The following UFD1 variants were observed in gnomAD, a reference collection of about 807,000 sequenced individuals.
UFD1 encodes ubiquitin recognition factor in ER-associated degradation protein 1.
In UFD1, 13 loss-of-function variants were observed where a neutral mutation model predicts 45.9. That is an observed-to-expected ratio of 0.28 (90% CI 0.18 to 0.45). The LOEUF is 0.45. Among genes scored for constraint, UFD1 ranks in the 20% least tolerant of loss-of-function variants. The pLI, the probability that UFD1 is intolerant of heterozygous loss-of-function variation, is 1.00. For synonymous variants in UFD1, 128 were observed against 139.2 expected, an observed-to-expected ratio of 0.92 and a Z score of 0.56; for missense variants, 218 against 389.2, an observed-to-expected ratio of 0.56 and a Z score of 3.70.
Position 19,450,172 on chromosome 22 carries a change from A to G in UFD1, c.*498T>C, listed in dbSNP as rs1008190583. 1 of 152,616 alleles carries G rather than the reference A, an allele frequency of 6.6e-6. No homozygotes were observed. The highest frequency in any genetic ancestry group is 2.4e-5 in the African/African-American group (1 of 41,476). The allele number at this position is 152,616 out of a possible 1,614,324, so 9.5% of individuals were successfully genotyped here. A position where few individuals can be genotyped will look rare whatever the true frequency, so the allele number is the denominator to read the frequency against. On this transcript the variant is annotated 3_prime_UTR_variant, in exon 12 of 12. Transcript: ENST00000263202. ...ATAAAAATAGAAACATTCTTTGTCA[A>G]ATACTTAAATTGCAGCCACAGTAGT...
Position 19,479,173 on chromosome 22 carries a change from G to A in UFD1, c.-88C>T, listed in dbSNP as rs950256397. On this transcript the variant is annotated 5_prime_UTR_variant, in exon 1 of 12. Transcript: ENST00000263202. ...CGCTCTCCCAGCCGCCGCTGCCGCT[G>A]CCGCCGCGCCAAGCCGGTACGCCCC... 1.5e-5 allele frequency: 23 copies of A among 1,571,344 alleles called. No individual in the cohort carries two copies. Among genetic ancestry groups the A allele is most frequent in the African/African-American group, 2.7e-5 (2 of 73,628 alleles).
chr22:19,467,897 A>G lies in UFD1; in HGVS notation c.398T>C (p.Leu133Pro). The G allele has an allele frequency of 1.2e-6, 2 of 1,614,184 alleles. No individual in the cohort carries two copies. Among genetic ancestry groups the G allele is most frequent in the Non-Finnish European group, 8.5e-7 (1 of 1,180,024 alleles). Reference sequence around the variant, plus strand: ...CACGGCTTTGGGGTTGGTGATGTCCAGGAAGTCAGGGCTCTGAGGTTGGAA... The same window carrying G: ...CACGGCTTTGGGGTTGGTGATGTCCGGGAAGTCAGGGCTCTGAGGTTGGAA... ...SKFQPQSPDFLDITNPKAVLE... is the reference protein window; with the variant it reads ...SKFQPQSPDFPDITNPKAVLE... Residue 133 changes from leucine to proline, a missense_variant, in exon 5 of 12, where the codon CTG (leucine) becomes CCG (proline). By Grantham distance (98) the Leu-to-Pro change is moderately conservative. Coordinates refer to ENST00000263202, the MANE Select transcript of UFD1 (RefSeq NM_005659.7).
Position 19,460,772 on chromosome 22 carries a change from T to C in UFD1, c.496-2633A>G, listed in dbSNP as rs932600482. On this transcript the variant is annotated intron_variant, in intron 6 of 11. Transcript: ENST00000263202. ...CCACCATTCTTTTTTTTTTTTTTTT[T>C]CCCTTGAGGCAGGGTCTTGCTCAGT... is the stretch of plus-strand genomic sequence containing the variant. Among the ~76,000 whole-genome samples the C allele has an allele frequency of 2.5e-3, 372 of 150,870 alleles. 1 individual carries two copies. Among genetic ancestry groups the C allele is most frequent in the Non-Finnish European group, 3.7e-3 (248 of 67,846 alleles).
intron 6 of UFD1, 88 bp downstream of exon 6, chr22:19,465,114 C>A: frequency 7.9e-7 from 1 of 1,266,338 alleles, no homozygotes; most frequent in Non-Finnish European, 1.2e-6. Context: ...TCCAGGCATA[C>A]GCTGCTTAAA....
chr22:19,453,088 G>A (rs2089695719), intron 11 of UFD1: 1 of 985,342 alleles, frequency 1.0e-6, no homozygotes, highest in African/African-American at 1.7e-5. Context: ...TCACTTCAGA[G>A]ATAGTAGTCT....
chr22:19,475,590 T>C lies in UFD1; in HGVS notation c.16A>G (p.Met6Val). The change falls in exon 2 of 12, where the codon ATG becomes GTG. Residue 6 changes from methionine to valine, a missense_variant. Met to Val is a conservative substitution (Grantham distance 21). This residue lies in a region of UFD1 where 149 missense variants were observed against 307.5 expected (regional missense o/e 0.48). Coordinates refer to ENST00000263202, the MANE Select transcript of UFD1 (RefSeq NM_005659.7). Reference protein sequence around the residue: MFSFNMFDHPIPRVFQ... With the variant: MFSFNVFDHPIPRVFQ... ...ACCCTGGGAATAGGGTGGTCGAACA[T>C]GTTGAAAGAGAACTAGAAGGAGGAA... is the stretch of plus-strand genomic sequence containing the variant. The C allele has an allele frequency of 6.2e-7, 1 of 1,614,110 alleles. No individual in the cohort carries two copies. The highest frequency in any genetic ancestry group is 1.1e-5 in the South Asian group (1 of 91,076).
At chr22:19,476,618 G>C (rs977409320) in intron 1 of UFD1, among the ~76,000 whole-genome samples, 1 of 135,766 alleles carries the variant, frequency 7.4e-6, no homozygotes, top group African/African-American at 2.8e-5. Flanking sequence ...AACATCCCCA[G>C]TGGACGCCTG....
intron 10 of UFD1, 36 bp from the exon 11 acceptor site, chr22:19,454,866 C>T: frequency 1.3e-6 from 2 of 1,591,326 alleles, no homozygotes; most frequent in Non-Finnish European, 1.7e-6. Flanking sequence ...AATGTTATTT[C>T]CAGGAAAAAA....
chr22:19,451,120 CAAA>C (rs34076964), intron 11 of UFD1: 1,946 of 849,128 alleles, frequency 2.3e-3, no homozygotes, highest in Middle Eastern at 3.6e-3. Context: ...GACCCTGCCT[CAAA>C]AAAAAAAAAA....
In UFD1 at chr22:19,458,746, G is replaced by A. The variant is rs188384229; in HGVS notation, c.496-607C>T. The stretch of plus-strand genomic sequence containing the variant: ...ACATAAGCCACCGCACTCGGCCTTC[G>A]AAATTTATTCTAAGTAAATAACTAG... On this transcript the variant is annotated intron_variant, in intron 6 of 11. Coordinates refer to ENST00000263202, the MANE Select transcript of UFD1 (RefSeq NM_005659.7). 4.5e-4 allele frequency among the ~76,000 whole-genome samples: 69 copies of A among 152,206 alleles called. 1 individual carries two copies. Among genetic ancestry groups the A allele is most frequent in the Admixed American group, 2.9e-3 (45 of 15,276 alleles).
chr22:19,477,516 A>T (rs867937991), intron 1 of UFD1, among the ~76,000 whole-genome samples: 1 of 152,204 alleles, frequency 6.6e-6, no homozygotes, highest in Non-Finnish European at 1.5e-5. Context: ...TGGAACAGAG[A>T]TTGACAGGGG....
At chr22:19,465,395 G>A in intron 5 of UFD1, 121 bp from the exon 6 acceptor site, 3 of 785,572 alleles carry the variant, frequency 3.8e-6, no homozygotes, top group Non-Finnish European at 6.4e-6. Context: ...GAAACACGAA[G>A]CTTTTAATAC....
rs747777173 is a variant in UFD1 at position 19,455,736 on chromosome 22, T to A, written c.711A>T (p.Gly237=). The A allele has an allele frequency of 2.0e-5, 32 of 1,613,978 alleles. No homozygotes were observed. Among genetic ancestry groups the A allele is most frequent in the Non-Finnish European group, 2.7e-5 (32 of 1,179,976 alleles). Residue 237 remains glycine, a synonymous_variant, in exon 10 of 12, where the codon GGA becomes GGT. Transcript: ENST00000263202. Reference sequence around the variant, plus strand: ...GGCTGGGCTCTACCCCTTTCTTCTTTCCATCCAGTCTATTGCCAGATCCAG... The same window carrying A: ...GGCTGGGCTCTACCCCTTTCTTCTTACCATCCAGTCTATTGCCAGATCCAG... ...AFSGSGNRLD[G]KKKGVEPSPS...
At chr22:19,476,736 G>A (rs939392280) in intron 1 of UFD1, among the ~76,000 whole-genome samples, 1 of 151,986 alleles carries the variant, frequency 6.6e-6, no homozygotes, top group Non-Finnish European at 1.5e-5. Flanking sequence ...GCTGGGTGCG[G>A]TGGCTCACGC....
chr22:19,454,167 G>A (rs1370076994), intron 11 of UFD1: 2 of 986,460 alleles, frequency 2.0e-6, no homozygotes, highest in African/African-American at 1.7e-5. Context: ...CGGCTCTAGA[G>A]CAAGACAGAG....
Position 19,467,902 on chromosome 22 carries a change from G to A in UFD1, c.393C>T (p.Asp131=). 2.5e-6 allele frequency: 4 copies of A among 1,614,208 alleles called. No homozygotes were observed. Among genetic ancestry groups the A allele is most frequent in the South Asian group, 1.1e-5 (1 of 91,084 alleles). ...TYSKFQPQSP[D]FLDITNPKAV... ...CTTTGGGGTTGGTGATGTCCAGGAA[G>A]TCAGGGCTCTGAGGTTGGAATTTGG... is the stretch of plus-strand genomic sequence containing the variant. The change falls in exon 5 of 12, where the codon GAC becomes GAT. Residue 131 remains aspartate, a synonymous_variant. Coordinates refer to ENST00000263202, the MANE Select transcript of UFD1 (RefSeq NM_005659.7).
intron 4 of UFD1, chr22:19,471,050 G>T: frequency 2.4e-6 from 1 of 412,746 alleles, no homozygotes; most frequent in Non-Finnish European, 4.8e-6. Context: ...ACAGCTACCT[G>T]TGTGGAACTC....
chr22:19,462,214 G>A (rs992643443), intron 6 of UFD1, among the ~76,000 whole-genome samples: 1 of 151,902 alleles, frequency 6.6e-6, no homozygotes, highest in Non-Finnish European at 1.5e-5. Flanking sequence ...TGCCCAGTCT[G>A]GTCTCAAACT....
At chr22:19,457,019 T>C in intron 7 of UFD1, 101 bp from the exon 8 acceptor site, 1 of 799,610 alleles carries the variant, frequency 1.3e-6, no homozygotes, top group South Asian at 1.5e-5. Flanking sequence ...CATGCAGTTT[T>C]AAGAAATAAT....
Sources: allele counts gnomAD v4.1 joint callset (sites outside exome capture counted in the v4.1 genomes callset), GRCh38; gene constraint gnomAD v4.1.1; regional missense constraint gnomAD v4.1.1; transcripts MANE v1.5; gene names NCBI Gene and HGNC (gene_info 2026-07-23, HGNC 2026-07-21).